The following ERC2 variants were observed in gnomAD, a reference collection of about 807,000 sequenced individuals.
ERC2 encodes ERC protein 2.
A neutral mutation model predicts 114.8 loss-of-function variants in ERC2; 42 were observed. The observed-to-expected ratio is 0.37, with a 90% CI of 0.29 to 0.47. The LOEUF (loss-of-function observed/expected upper bound fraction) is 0.47, where lower values mean the gene tolerates loss of function less well. Among genes scored for constraint, ERC2 ranks in the 20% least tolerant of loss-of-function variants. The pLI, the probability that ERC2 is intolerant of heterozygous loss-of-function variation, is 0.99. For missense variants in ERC2, 939 were observed against 1,150.7 expected, an observed-to-expected ratio of 0.82 and a Z score of 2.66; for synonymous variants, 454 against 425.5, an observed-to-expected ratio of 1.07 and a Z score of -0.82.
At chr3:56,013,344 C>A (rs2073088537) in intron 8 of ERC2, among the ~76,000 whole-genome samples, 2 of 152,160 alleles carry the variant, frequency 1.3e-5, no homozygotes. Context: ...TGTTTCACAG[C>A]ATGCCTTGTT....
intron 10 of ERC2, 48 bp from the exon 11 acceptor site, chr3:55,992,298 A>T: frequency 6.6e-7 from 1 of 1,517,774 alleles, no homozygotes; most frequent in Non-Finnish European, 9.0e-7. Context: ...ACAATTTAGA[A>T]CAATAGACAG....
chr3:56,148,994 T>TG lies in ERC2; in HGVS notation c.1287dup (p.Lys430GlnfsTer8). 6.2e-7 allele frequency: 1 copy of TG among 1,613,286 alleles called. No homozygotes were observed. Among genetic ancestry groups the TG allele is most frequent in the East Asian group, 2.2e-5 (1 of 44,830 alleles). The stretch of plus-strand genomic sequence containing the variant: ...GACCGTACCTTGGTCTTCATAAACT[T>TG]GGAGTGACTTTTGTAAACCTCAATT... On this transcript the variant is annotated frameshift_variant, in exon 5 of 18. Transcript: ENST00000288221. LOFTEE classifies it high-confidence loss of function.
chr3:55,637,679 T>C (rs562483397), intron 17 of ERC2, among the ~76,000 whole-genome samples: 2 of 152,298 alleles, frequency 1.3e-5, no homozygotes, highest in African/African-American at 4.8e-5. Context: ...TACTTATTGA[T>C]ATGTTTAGTT....
intron 1 of ERC2, among the ~76,000 whole-genome samples, chr3:56,458,012 C>T (rs1468988387): frequency 6.6e-6 from 1 of 152,180 alleles, no homozygotes; most frequent in African/African-American, 2.4e-5. Context: ...TACAAAATTA[C>T]CTGCTCTATT....
chr3:55,960,062 T>A (rs1315210073), intron 12 of ERC2, among the ~76,000 whole-genome samples: 1 of 152,186 alleles, frequency 6.6e-6, no homozygotes, highest in African/African-American at 2.4e-5. Context: ...GAAGCCACCA[T>A]CACATTTTGC....
intron 10 of ERC2, among the ~76,000 whole-genome samples, chr3:55,995,223 T>C (rs1239508721): frequency 1.3e-5 from 2 of 152,046 alleles, no homozygotes; most frequent in African/African-American, 2.4e-5. Flanking sequence ...GTCCCAGCTA[T>C]TCAGGAGGCT....
chr3:55,734,988 G>T, intron 14 of ERC2, 70 bp from the exon 15 acceptor site: 1 of 1,419,496 alleles, frequency 7.0e-7, no homozygotes, highest in Non-Finnish European at 9.4e-7. Context: ...GGCATTTATA[G>T]TTGAAATGAA....
chr3:55,951,875 A>G (rs1396336968), intron 12 of ERC2, among the ~76,000 whole-genome samples: 1 of 152,102 alleles, frequency 6.6e-6, no homozygotes. Flanking sequence ...TGCTCTCCGC[A>G]AGAAACTCTT....
intron 6 of ERC2, among the ~76,000 whole-genome samples, chr3:56,095,158 G>C (rs924015689): frequency 3.3e-5 from 5 of 152,120 alleles, no homozygotes; most frequent in Admixed American, 6.5e-5. Flanking sequence ...GGGAGGCTGA[G>C]GCAGGAGGCT....
chr3:55,734,956 AT>A, intron 14 of ERC2, 38 bp from the exon 15 acceptor site: 2 of 1,484,260 alleles, frequency 1.3e-6, no homozygotes, highest in Non-Finnish European at 9.0e-7. Context: ...TTTTTGTAAA[AT>A]AAAAAAAAAA....
intron 3 of ERC2, 138 bp downstream of exon 3, chr3:56,295,881 C>G: frequency 1.1e-6 from 1 of 910,326 alleles, no homozygotes; most frequent in Non-Finnish European, 1.6e-6. Context: ...TGGTCTTAAG[C>G]CGGCAGGAAG....
At chr3:55,711,061 T>C (rs1462630222) in intron 15 of ERC2, among the ~76,000 whole-genome samples, 1 of 152,224 alleles carries the variant, frequency 6.6e-6, no homozygotes, top group African/African-American at 2.4e-5. Context: ...GCCCGACTCA[T>C]GTCATTGGTT....
intron 17 of ERC2, among the ~76,000 whole-genome samples, chr3:55,569,861 A>ATTTT (rs375004734): frequency 1.6e-5 from 2 of 125,230 alleles, no homozygotes; most frequent in Non-Finnish European, 1.7e-5. Context: ...CTTCATTTCT[A>ATTTT]TTTTTTTTTT....
chr3:55,881,366 A>T (rs573928773), intron 14 of ERC2, among the ~76,000 whole-genome samples: 6 of 152,310 alleles, frequency 3.9e-5, no homozygotes, highest in African/African-American at 1.4e-4. Context: ...ATACCCAGTA[A>T]ATTAAGATGA....
At chr3:56,296,535 G>A in intron 2 of ERC2, 100 bp from the exon 3 acceptor site, 3 of 1,304,968 alleles carry the variant, frequency 2.3e-6, no homozygotes, top group Non-Finnish European at 3.1e-6. Context: ...AAGATGGAAT[G>A]TTAATCATGA....
At chr3:56,052,430 T>C (rs2075817453) in intron 7 of ERC2, among the ~76,000 whole-genome samples, 1 of 152,214 alleles carries the variant, frequency 6.6e-6, no homozygotes, top group African/African-American at 2.4e-5. Context: ...CCACCTGTTT[T>C]TGTAAACAGA....
chr3:55,823,597 C>A (rs890297090), intron 14 of ERC2, among the ~76,000 whole-genome samples: 31 of 152,266 alleles, frequency 2.0e-4, no homozygotes, highest in African/African-American at 7.2e-4. Flanking sequence ...AATGACCTGG[C>A]CTACTGGAAT....
At chr3:55,672,075 G>A (rs1576052953) in intron 17 of ERC2, among the ~76,000 whole-genome samples, 1 of 152,242 alleles carries the variant, frequency 6.6e-6, no homozygotes, top group Non-Finnish European at 1.5e-5. Context: ...AGGTCGGGTA[G>A]CTCATTCCTG....
At chr3:56,114,750 AC>A (rs1416832246) in intron 6 of ERC2, among the ~76,000 whole-genome samples, 1 of 151,926 alleles carries the variant, frequency 6.6e-6, no homozygotes, top group Non-Finnish European at 1.5e-5. Context: ...GACCTAACCA[AC>A]TCCATCTTGC....
Sources: gnomAD v4.1 joint callset for allele counts (sites outside exome capture counted in the v4.1 genomes callset) on GRCh38, gnomAD v4.1.1 for gene constraint, MANE v1.5 for transcripts, NCBI Gene and HGNC (gene_info 2026-07-23, HGNC 2026-07-21) for gene names.